The following FRMPD4 variants were observed in gnomAD, a reference collection of about 807,000 sequenced individuals.
FRMPD4 encodes FERM and PDZ domain containing 4.
A neutral mutation model predicts 94.1 loss-of-function variants in FRMPD4; 22 were observed. The observed-to-expected ratio is 0.23, with a 90% CI of 0.17 to 0.33. The LOEUF (loss-of-function observed/expected upper bound fraction) is 0.33. FRMPD4 is among the 10% of genes least tolerant of loss of function. The pLI, the probability that FRMPD4 is intolerant of heterozygous loss-of-function variation, is 1.00. For missense variants in FRMPD4, 1,111 were observed against 1,339.9 expected (o/e 0.83, Z 2.67); for synonymous variants, 631 against 548.6 (o/e 1.15, Z -2.10).
Position 12,574,666 on chromosome X carries a change from T to G in FRMPD4, c.159-35055T>G, listed in dbSNP as rs759511132. 2.7e-5 allele frequency among the ~76,000 whole-genome samples: 3 copies of G among 110,133 alleles called. No individual in the cohort carries two copies. In the South Asian group the frequency reaches 1.2e-3, roughly 44 times the overall value. On this transcript the variant is annotated intron_variant, in intron 2 of 16. Transcript: ENST00000675598. ...GCACATGCCACCACGCCTGAATAATTTTTGTAGTTTTTGTAGAGACAGAGT... is the reference window on the plus strand; with the variant it reads ...GCACATGCCACCACGCCTGAATAATGTTTGTAGTTTTTGTAGAGACAGAGT...
intron 1 of FRMPD4, among the ~76,000 whole-genome samples, chrX:12,196,259 C>T (rs1268202807): frequency 2.7e-5 from 3 of 111,669 alleles, no homozygotes; most frequent in Non-Finnish European, 5.6e-5. Flanking sequence ...TTTGGCAGTG[C>T]TGACATAGCC....
chrX:12,527,819 G>A (rs2058241986), intron 2 of FRMPD4, among the ~76,000 whole-genome samples: 1 of 111,889 alleles, frequency 8.9e-6, no homozygotes, highest in African/African-American at 3.2e-5. Flanking sequence ...TGCCGTTGTT[G>A]GAATTTTTCC....
chrX:12,583,890 C>T (rs2058895189), intron 2 of FRMPD4, among the ~76,000 whole-genome samples: 1 of 111,463 alleles, frequency 9.0e-6, no homozygotes, highest in Non-Finnish European at 1.9e-5. Context: ...AGCGGGCGTC[C>T]AGGCTTGAGG....
At chrX:12,024,501 T>C (rs936050355) in intron 3 of FRMPD4, among the ~76,000 whole-genome samples, 20 of 112,026 alleles carry the variant, frequency 1.8e-4, no homozygotes, top group Non-Finnish European at 3.8e-4. Flanking sequence ...ATTTAAAACT[T>C]TCACTATGAC....
chrX:12,508,426 C>T (rs2058007920), intron 2 of FRMPD4, among the ~76,000 whole-genome samples: 3 of 112,463 alleles, frequency 2.7e-5, no homozygotes, highest in South Asian at 7.3e-4. Context: ...ACTGGAGACT[C>T]ATGGCTATTC....
In FRMPD4 at chrX:12,100,318, TAAG is replaced by T. The variant is rs1242759582; in HGVS notation, c.95+222305_95+222307del. Among the ~76,000 whole-genome samples the T allele has an allele frequency of 1.1e-4, 12 of 112,201 alleles. No homozygotes were observed. In the Admixed American group the frequency reaches 1.1e-3, roughly 11 times the overall value. ...CATTTAATGAGTAAGTACCTACATA[TAAG>T]AAGATTTTAAATCTCACAACAGCCT... On this transcript the variant is annotated intron_variant, in intron 3 of 18. Transcript: ENST00000640291.
intron 3 of FRMPD4, among the ~76,000 whole-genome samples, chrX:12,043,633 A>T (rs1206786559): frequency 8.9e-6 from 1 of 111,862 alleles, no homozygotes; most frequent in African/African-American, 3.2e-5. Flanking sequence ...TCTCTAATCT[A>T]TAGCACAATT....
chrX:12,098,776 C>T (rs1447294077), intron 3 of FRMPD4, among the ~76,000 whole-genome samples: 1 of 110,730 alleles, frequency 9.0e-6, no homozygotes, highest in African/African-American at 3.3e-5. Context: ...AAAGATTTAC[C>T]CAATCTAAGT....
chrX:12,014,855 A>G (rs891915031), intron 3 of FRMPD4, among the ~76,000 whole-genome samples: 4 of 111,388 alleles, frequency 3.6e-5, no homozygotes, highest in African/African-American at 9.8e-5. Flanking sequence ...CCCATGACAG[A>G]GAAGTGGGAT....
At chrX:12,160,132 C>T (rs1862071706) in intron 1 of FRMPD4, among the ~76,000 whole-genome samples, 1 of 108,959 alleles carries the variant, frequency 9.2e-6, no homozygotes, top group South Asian at 4.0e-4. Context: ...TATTCCTATG[C>T]AGTTCTGTTC....
At chrX:12,490,159 G>C (rs1204024182) in intron 1 of FRMPD4, among the ~76,000 whole-genome samples, 1 of 111,283 alleles carries the variant, frequency 9.0e-6, no homozygotes, top group Non-Finnish European at 1.9e-5. Context: ...TGCAGTACGA[G>C]ACTGACCATG....
intron 3 of FRMPD4, among the ~76,000 whole-genome samples, chrX:12,063,909 C>T (rs1242734866): frequency 8.9e-6 from 1 of 112,476 alleles, no homozygotes; most frequent in Non-Finnish European, 1.9e-5. Context: ...AAATTAGTGT[C>T]ATGTATAGAG....
At chrX:12,310,554 AT>A (rs2055016115) in intron 1 of FRMPD4, among the ~76,000 whole-genome samples, 1 of 112,267 alleles carries the variant, frequency 8.9e-6, no homozygotes, top group Admixed American at 9.4e-5. Context: ...TATCATTGTC[AT>A]AAATCAGTAG....
At chrX:12,156,676 G>A (rs2055941279) in intron 1 of FRMPD4, among the ~76,000 whole-genome samples, 1 of 111,098 alleles carries the variant, frequency 9.0e-6, no homozygotes, top group Admixed American at 9.5e-5. Context: ...TGTACTAATC[G>A]TGTGATTGAA....
In FRMPD4 at chrX:12,246,018, A is replaced by G. The variant is rs184562894; in HGVS notation, c.41+107006A>G. On this transcript the variant is annotated intron_variant, in intron 1 of 16. Transcript: ENST00000675598. ...GTAATCACCATGGATGGATTGACTCAGAGTTGCCTGTACTTAAATTATGGT... is the reference window on the plus strand; with the variant it reads ...GTAATCACCATGGATGGATTGACTCGGAGTTGCCTGTACTTAAATTATGGT... Among the ~76,000 whole-genome samples, 221 of 112,385 alleles carry G rather than the reference A, an allele frequency of 2.0e-3. 2 individuals are homozygous for G. The highest frequency in any genetic ancestry group is 5.7e-3 in the Admixed American group (61 of 10,649).
At chrX:11,838,558 C>T (rs1468214131) in intron 1 of FRMPD4, among the ~76,000 whole-genome samples, 3 of 111,107 alleles carry the variant, frequency 2.7e-5, no homozygotes, top group Middle Eastern at 4.6e-3. Flanking sequence ...GTGTAACTAT[C>T]ATTTCAGTCT....
At chrX:12,255,129 A>G (rs190316450) in intron 1 of FRMPD4, among the ~76,000 whole-genome samples, 15 of 111,652 alleles carry the variant, frequency 1.3e-4, no homozygotes, top group African/African-American at 4.5e-4. Context: ...AGTAGCAACA[A>G]TTTTACTCTC....
intron 1 of FRMPD4, among the ~76,000 whole-genome samples, chrX:12,377,500 G>A (rs1259902278): frequency 1.8e-5 from 2 of 112,031 alleles, no homozygotes; most frequent in African/African-American, 3.2e-5. Context: ...TTCGAATGAA[G>A]GACTGCAGAG....
At chrX:11,974,868 G>A (rs2054359108) in intron 3 of FRMPD4, among the ~76,000 whole-genome samples, 1 of 111,303 alleles carries the variant, frequency 9.0e-6, no homozygotes, top group African/African-American at 3.3e-5. Context: ...GTGGAAGCAG[G>A]GCAAGGCTGG....
Sources: allele counts gnomAD v4.1 joint callset (sites outside exome capture counted in the v4.1 genomes callset), GRCh38; gene constraint gnomAD v4.1.1; transcripts MANE v1.5; gene names NCBI Gene and HGNC (gene_info 2026-07-23, HGNC 2026-07-21).